The following FAM3B variants were observed in gnomAD, a reference collection of about 807,000 sequenced individuals.
FAM3B encodes FAM3 metabolism regulating signaling molecule B, also known as protein FAM3B.
A neutral mutation model predicts 28.4 loss-of-function variants in FAM3B; 29 were observed. The ratio of observed to expected loss-of-function variants is 1.02; its 90% CI spans 0.76 to 1.39. FAM3B has a LOEUF of 1.39. Among genes scored for constraint, FAM3B ranks in the 40% most tolerant of loss-of-function variants. The pLI is 0.00. For missense variants in FAM3B, 266 were observed against 293.9 expected (o/e 0.91, Z 0.69); for synonymous variants, 91 against 103.0 (o/e 0.88, Z 0.71).
intron 2 of FAM3B, among the ~76,000 whole-genome samples, chr21:41,337,793 T>C (rs958841857): frequency 6.6e-6 from 1 of 151,760 alleles, no homozygotes; most frequent in African/African-American, 2.4e-5. Flanking sequence ...TGTGTGTGAA[T>C]GTGTGCTGTA....
chr21:41,344,376 G>A (rs2145824773), intron 3 of FAM3B, 100 bp from the exon 4 acceptor site: 8 of 1,073,394 alleles, frequency 7.5e-6, no homozygotes, highest in Non-Finnish European at 1.1e-5. Flanking sequence ...AAAAGGTGGG[G>A]GACAGCAGAT....
At chr21:41,337,830 A>G (rs2088969046) in intron 2 of FAM3B, among the ~76,000 whole-genome samples, 1 of 151,298 alleles carries the variant, frequency 6.6e-6, no homozygotes, top group Non-Finnish European at 1.5e-5. Context: ...GTGATACATC[A>G]TGTGGTGTGT....
intron 2 of FAM3B, among the ~76,000 whole-genome samples, chr21:41,336,855 A>C (rs898812142): frequency 2.0e-5 from 3 of 152,116 alleles, no homozygotes; most frequent in African/African-American, 7.2e-5. Context: ...TAAAAGTTTG[A>C]CTTGAAGTCT....
chr21:41,351,784 T>G lies in FAM3B; in HGVS notation c.618+3060T>G, dbSNP rs1314279615. On this transcript the variant is annotated intron_variant, in intron 7 of 7. Transcript: ENST00000357985. ...TTAATGACCCCACTACCTGCTGAATTGAATTTTAAAGTATAAGGAACTTCA... is the reference window on the plus strand; with the variant it reads ...TTAATGACCCCACTACCTGCTGAATGGAATTTTAAAGTATAAGGAACTTCA... Among the ~76,000 whole-genome samples the G allele has an allele frequency of 2.6e-5, 4 of 152,214 alleles. No individual in the cohort carries two copies. The East Asian group carries it at 7.7e-4, about 29-fold the overall frequency.
chr21:41,357,034 C>T, intron 7 of FAM3B, 74 bp from the exon 8 acceptor site: 2 of 1,078,096 alleles, frequency 1.9e-6, no homozygotes, highest in East Asian at 5.7e-5. Flanking sequence ...GTTGTGTCGG[C>T]TCACAACTGA....
intron 1 of FAM3B, among the ~76,000 whole-genome samples, chr21:41,311,259 T>A (rs1157552021): frequency 0.053 from 1,729 of 32,392 alleles, 18 homozygotes; most frequent in East Asian, 0.13. Context: ...AAAATATATA[T>A]ATATATATAT....
chr21:41,324,957 C>T (rs1055441333), intron 2 of FAM3B, among the ~76,000 whole-genome samples: 1 of 152,072 alleles, frequency 6.6e-6, no homozygotes, highest in Admixed American at 6.6e-5. Context: ...CAAAAATTAG[C>T]TGGACATGGT....
At chr21:41,334,362 G>C (rs391616) in intron 2 of FAM3B, among the ~76,000 whole-genome samples, 29,664 of 152,108 alleles carry the variant, frequency 0.2, 4,795 homozygotes, top group African/African-American at 0.44. Context: ...GGCCCAGAGG[G>C]TTAAGAATAC....
chr21:41,344,783 G>A (rs1414329271), intron 4 of FAM3B, among the ~76,000 whole-genome samples: 1 of 152,188 alleles, frequency 6.6e-6, no homozygotes, highest in African/African-American at 2.4e-5. Context: ...CAGAGGGATA[G>A]GCCAAAGTTA....
chr21:41,321,342 C>A (rs1439519621), intron 1 of FAM3B, among the ~76,000 whole-genome samples: 1 of 152,178 alleles, frequency 6.6e-6, no homozygotes, highest in Non-Finnish European at 1.5e-5. Context: ...GGGGAGAGCA[C>A]CCTCTAGGCA....
At chr21:41,328,013 A>T (rs1221340613) in intron 2 of FAM3B, among the ~76,000 whole-genome samples, 1 of 152,220 alleles carries the variant, frequency 6.6e-6, no homozygotes, top group Non-Finnish European at 1.5e-5. Flanking sequence ...CAGCATCCTG[A>T]TGATGACAAG....
intron 6 of FAM3B, 149 bp downstream of exon 6, chr21:41,347,249 C>G (rs1187021070): frequency 5.9e-6 from 4 of 682,156 alleles, no homozygotes; most frequent in Non-Finnish European, 1.0e-5. Flanking sequence ...AAGATCATGA[C>G]AAAATAGATG....
intron 4 of FAM3B, 66 bp downstream of exon 4, chr21:41,344,600 T>G: frequency 1.4e-6 from 2 of 1,446,142 alleles, no homozygotes; most frequent in Non-Finnish European, 1.9e-6. Flanking sequence ...CAAAGGTACC[T>G]TGGGTTTTCG....
chr21:41,326,598 G>A lies in FAM3B; in HGVS notation c.163+3532G>A, dbSNP rs1654166010. Among the ~76,000 whole-genome samples the A allele has an allele frequency of 6.6e-6, 1 of 152,224 alleles. No individual in the cohort carries two copies. The highest frequency in any genetic ancestry group is 1.5e-5 in the Non-Finnish European group (1 of 68,002). On this transcript the variant is annotated intron_variant, in intron 2 of 7. Coordinates refer to ENST00000357985, the MANE Select transcript of FAM3B (RefSeq NM_058186.4). The surrounding 1 kb of genome is among the most constrained non-coding windows in gnomAD (Gnocchi z 4.0). ...GGAGGAGGCCATGCTCATGGCTGAC[G>A]GGCTGCCAGGCCCTGGCGTGGGGAC...
At chr21:41,348,746 C>G in intron 7 of FAM3B, 22 bp downstream of exon 7, 1 of 1,614,102 alleles carries the variant, frequency 6.2e-7, no homozygotes, top group Non-Finnish European at 8.5e-7. Flanking sequence ...TAAAATGTCC[C>G]TTCCCACCAA....
At chr21:41,319,552 G>C (rs73226109) in intron 1 of FAM3B, 1 of 152,320 alleles carries the variant, frequency 6.6e-6, no homozygotes, top group Admixed American at 6.6e-5. Context: ...CCTCCCATCG[G>C]GGCAGGCCCA....
At chr21:41,354,418 T>C (rs999552185) in intron 7 of FAM3B, among the ~76,000 whole-genome samples, 3 of 152,188 alleles carry the variant, frequency 2.0e-5, no homozygotes, top group Non-Finnish European at 4.4e-5. Flanking sequence ...AGCAAAGACA[T>C]GGAGTCAACC....
intron 1 of FAM3B, among the ~76,000 whole-genome samples, chr21:41,318,305 A>G (rs1262323109): frequency 6.6e-6 from 1 of 152,164 alleles, no homozygotes; most frequent in Non-Finnish European, 1.5e-5. Flanking sequence ...GCTTCTGTCC[A>G]GTGCTGGGTT....
At chr21:41,311,419 T>C (rs2088713387) in intron 1 of FAM3B, among the ~76,000 whole-genome samples, 1 of 148,604 alleles carries the variant, frequency 6.7e-6, no homozygotes, top group Middle Eastern at 3.2e-3. Context: ...GCTATGATCA[T>C]GTCACCTCAC....
Sources: gnomAD v4.1 joint callset for allele counts (sites outside exome capture counted in the v4.1 genomes callset) on GRCh38, gnomAD v4.1.1 for gene constraint, Gnocchi (gnomAD v3.1) non-coding constraint, MANE v1.5 for transcripts, NCBI Gene and HGNC (gene_info 2026-07-23, HGNC 2026-07-21) for gene names.